Variants in SOX5 observed in about 807,000 individuals in gnomAD.
SOX5 encodes the protein SRY-box transcription factor 5.
SOX5 carries 9 observed loss-of-function variants against 92.0 expected under a neutral mutation model. The ratio of observed to expected loss-of-function variants is 0.10; its 90% confidence interval spans 0.06 to 0.17. The LOEUF is 0.17. Ranked by LOEUF, SOX5 falls within the 10% of genes least tolerant of loss-of-function variation. The pLI is 1.00. For synonymous variants in SOX5, 344 were observed against 336.3 expected (o/e 1.02, Z -0.25); for missense variants, 642 against 944.5 (o/e 0.68, Z 4.20).
At chr12:23,814,343 T>C (rs1367290302) in intron 3 of SOX5, among the ~76,000 whole-genome samples, 1 of 152,154 alleles carries the variant, frequency 6.6e-6, no homozygotes, top group Non-Finnish European at 1.5e-5. Flanking sequence ...CAGTGGCCTA[T>C]AGGAAACTAT....
intron 9 of SOX5, among the ~76,000 whole-genome samples, chr12:23,602,480 C>G (rs1260658568): frequency 6.6e-6 from 1 of 152,000 alleles, no homozygotes; most frequent in African/African-American, 2.4e-5. Flanking sequence ...ACATCAAAAG[C>G]TTCATGATGA....
intron 6 of SOX5, among the ~76,000 whole-genome samples, chr12:23,711,015 C>T (rs185272676): frequency 6.2e-4 from 94 of 152,206 alleles, no homozygotes; most frequent in African/African-American, 2.1e-3. Context: ...CAATATAGAT[C>T]CATCAGTTCA....
intron 8 of SOX5, among the ~76,000 whole-genome samples, chr12:23,627,233 T>C (rs1408956507): frequency 1.3e-5 from 2 of 152,176 alleles, no homozygotes; most frequent in Non-Finnish European, 2.9e-5. Flanking sequence ...AAGAGAGACA[T>C]AGATTATTTG....
At chr12:24,507,501 G>C (rs1180168791) in intron 1 of SOX5, among the ~76,000 whole-genome samples, 1 of 151,892 alleles carries the variant, frequency 6.6e-6, no homozygotes, top group Non-Finnish European at 1.5e-5. Flanking sequence ...TAAAAGAGGA[G>C]AACTGTCCTC....
At chr12:24,486,693 C>G (rs1946562361) in intron 1 of SOX5, among the ~76,000 whole-genome samples, 1 of 152,198 alleles carries the variant, frequency 6.6e-6, no homozygotes, top group African/African-American at 2.4e-5. Flanking sequence ...AGGCCCACAT[C>G]AGCAATATAG....
intron 11 of SOX5, among the ~76,000 whole-genome samples, chr12:23,560,276 T>C (rs914730092): frequency 6.6e-6 from 1 of 152,192 alleles, no homozygotes; most frequent in Admixed American, 6.5e-5. Context: ...AAGATAATAG[T>C]GCAAAATGTA....
At chr12:24,377,442 C>A (rs1170535507) in intron 1 of SOX5, among the ~76,000 whole-genome samples, 7 of 152,148 alleles carry the variant, frequency 4.6e-5, no homozygotes, top group Admixed American at 2.6e-4. Flanking sequence ...TTAACATAAC[C>A]ATTTCTGAAA....
chr12:24,176,485 G>T (rs1050052171), intron 4 of SOX5, among the ~76,000 whole-genome samples: 1 of 152,124 alleles, frequency 6.6e-6, no homozygotes, highest in African/African-American at 2.4e-5. Context: ...ATAGTACTTT[G>T]TCTTAAACTA....
At chr12:23,735,091 C>A (rs1227938596) in intron 5 of SOX5, among the ~76,000 whole-genome samples, 4 of 152,148 alleles carry the variant, frequency 2.6e-5, no homozygotes, top group Non-Finnish European at 4.4e-5. Flanking sequence ...TTTTCTATAA[C>A]AGAGTGTTTC....
At chr12:24,191,707 T>C (rs1268705212) in intron 4 of SOX5, among the ~76,000 whole-genome samples, 1 of 152,232 alleles carries the variant, frequency 6.6e-6, no homozygotes, top group African/African-American at 2.4e-5. Context: ...AACTGGGCCC[T>C]GATTCTGTCA....
At chr12:24,261,624 C>T (rs547831066) in intron 3 of SOX5, among the ~76,000 whole-genome samples, 4 of 152,178 alleles carry the variant, frequency 2.6e-5, no homozygotes, top group East Asian at 1.9e-4. Context: ...CCAAATTAGA[C>T]AAGATTAGCA....
rs543581488 is a variant in SOX5, at chr12:24,289,676, C to A, written c.-173-12364G>T. Among the ~76,000 whole-genome samples the A allele has an allele frequency of 2.9e-4, 43 of 148,502 alleles. 5 individuals carry two copies. Among genetic ancestry groups the A allele is most frequent in the African/African-American group, 1.0e-3 (40 of 38,614 alleles). On this transcript the variant is annotated intron_variant, in intron 2 of 4. Coordinates refer to the SOX5 transcript ENST00000446891. ...TTCACCGTTTTAGCCGGGATGGTCT[C>A]GATCTCCTGACCTCGTGATCCGCCC...
upstream of SOX5, among the ~76,000 whole-genome samples, chr12:23,955,947 T>C (rs1284018487): frequency 1.3e-5 from 2 of 152,216 alleles, no homozygotes; most frequent in Admixed American, 1.3e-4. Flanking sequence ...TACAATGTAG[T>C]TTTGTTAGGT....
At chr12:24,153,942 C>T (rs1159289732) in intron 4 of SOX5, among the ~76,000 whole-genome samples, 1 of 152,126 alleles carries the variant, frequency 6.6e-6, no homozygotes, top group African/African-American at 2.4e-5. Context: ...CTCCCCAATC[C>T]CTGAGACCTT....
chr12:23,727,040 C>G (rs2093171982), intron 6 of SOX5, among the ~76,000 whole-genome samples: 2 of 151,920 alleles, frequency 1.3e-5, no homozygotes, highest in Non-Finnish European at 2.9e-5. Context: ...AATGGGAAAA[C>G]AGGAAAATAA....
At chr12:24,495,299 T>G (rs560476614) in intron 1 of SOX5, among the ~76,000 whole-genome samples, 10 of 152,270 alleles carry the variant, frequency 6.6e-5, no homozygotes, top group Admixed American at 2.6e-4. Flanking sequence ...GTTAGAAACT[T>G]AATCTAATCA....
intron 1 of SOX5, among the ~76,000 whole-genome samples, chr12:24,440,616 G>A (rs1390389346): frequency 6.7e-6 from 1 of 149,206 alleles, no homozygotes; most frequent in African/African-American, 2.4e-5. Flanking sequence ...GTGTGTGTGT[G>A]TGTGTGTGTG....
intron 6 of SOX5, among the ~76,000 whole-genome samples, chr12:23,719,113 G>A (rs192410551): frequency 4.1e-4 from 62 of 152,186 alleles, no homozygotes; most frequent in Admixed American, 4.0e-3. Context: ...TCCATGGATT[G>A]GCTTCAATAT....
intron 1 of SOX5, among the ~76,000 whole-genome samples, chr12:24,525,778 C>A (rs1950649589): frequency 6.6e-6 from 1 of 151,986 alleles, no homozygotes; most frequent in South Asian, 2.1e-4. Flanking sequence ...AGGCGTGAAC[C>A]CGGAAGGCAG....
Sources: gnomAD v4.1 joint callset for allele counts (sites outside exome capture counted in the v4.1 genomes callset) on GRCh38, gnomAD v4.1.1 for gene constraint, MANE v1.5 for transcripts, NCBI Gene and HGNC (gene_info 2026-07-23, HGNC 2026-07-21) for gene names.